CECR2: variants seen among roughly 807,000 people sequenced by gnomAD.
The protein encoded by CECR2 is CECR2 histone acetyl-lysine reader, also known as chromatin remodeling regulator CECR2.
In CECR2, 30 loss-of-function variants were observed where a neutral mutation model predicts 154.5. That is an observed-to-expected ratio of 0.19 (90% CI 0.15 to 0.26). CECR2 has a LOEUF of 0.26. Ranked by LOEUF, CECR2 falls within the 10% of genes least tolerant of loss-of-function variation. The pLI, the probability that CECR2 is intolerant of heterozygous loss-of-function variation, is 1.00. For synonymous variants in CECR2, 725 were observed against 683.7 expected (o/e 1.06, Z -0.94); for missense variants, 1,743 against 1,829.3 (o/e 0.95, Z 0.86).
upstream of CECR2, chr22:17,369,341 T>A (rs957186478): frequency 2.3e-4 from 35 of 150,816 alleles, no homozygotes; most frequent in African/African-American, 8.3e-4. Flanking sequence ...GCGGTGCAGC[T>A]GTCCGGGCGG....
Position 17,412,769 on chromosome 22 carries a change from C to T in CECR2, c.126+42860C>T, listed in dbSNP as rs34840473. 3.5e-3 allele frequency among the ~76,000 whole-genome samples: 533 copies of T among 151,962 alleles called. 5 individuals are homozygous for T. Among genetic ancestry groups the T allele is most frequent in the Non-Finnish European group, 6.4e-3 (437 of 67,936 alleles). On this transcript the variant is annotated intron_variant, in intron 1 of 18. Transcript: ENST00000262608. The stretch of plus-strand genomic sequence containing the variant: ...TGTGTCTTTGTGTGGAGACAGGTGG[C>T]GGGCGGCCTTCTGGGTGAGGGGGAT...
intron 1 of CECR2, among the ~76,000 whole-genome samples, chr22:17,471,100 A>G (rs1601413175): frequency 6.6e-6 from 1 of 152,190 alleles, no homozygotes; most frequent in East Asian, 1.9e-4. Flanking sequence ...CATCCCAAAC[A>G]ACAAGCAACA....
chr22:17,370,319 C>CGG (rs1192283154), intron 1 of CECR2, among the ~76,000 whole-genome samples: 1,106 of 64,594 alleles, frequency 0.017, 38 homozygotes, highest in African/African-American at 0.048. Flanking sequence ...GGGCCGGGCG[C>CGG]GGGGGGGGGG....
intron 16 of CECR2, 27 bp downstream of exon 16, chr22:17,543,030 T>TTTAA (rs1442245248): frequency 9.6e-6 from 15 of 1,562,634 alleles, no homozygotes; most frequent in Non-Finnish European, 1.3e-5. Flanking sequence ...CTTTGGGCTC[T>TTTAA]TTAAGCTCTT....
intron 1 of CECR2, among the ~76,000 whole-genome samples, chr22:17,444,534 C>T (rs557111374): frequency 1.3e-4 from 19 of 151,876 alleles, no homozygotes; most frequent in Middle Eastern, 3.4e-3. Flanking sequence ...GACTGAGGCA[C>T]GAGAATCGCT....
At chr22:17,397,577 C>T (rs2053830680) in intron 1 of CECR2, among the ~76,000 whole-genome samples, 1 of 152,078 alleles carries the variant, frequency 6.6e-6, no homozygotes, top group Non-Finnish European at 1.5e-5. Flanking sequence ...TGCTCACTGC[C>T]ATCTCCGCCT....
At chr22:17,378,672 C>T (rs1315802793) in intron 1 of CECR2, among the ~76,000 whole-genome samples, 1 of 152,168 alleles carries the variant, frequency 6.6e-6, no homozygotes, top group African/African-American at 2.4e-5. Context: ...TAAATGTCTC[C>T]AGACATTGCC....
chr22:17,498,743 G>A (rs555105147), intron 3 of CECR2, among the ~76,000 whole-genome samples: 3 of 148,368 alleles, frequency 2.0e-5, no homozygotes, highest in South Asian at 2.2e-4. Context: ...TGATCCACCC[G>A]GTTGTACTTG....
chr22:17,395,973 C>G (rs991459225), intron 1 of CECR2, among the ~76,000 whole-genome samples: 20 of 152,126 alleles, frequency 1.3e-4, no homozygotes, highest in African/African-American at 4.8e-4. Context: ...GGCGTTTTGG[C>G]TCATGCCTGT....
intron 1 of CECR2, among the ~76,000 whole-genome samples, chr22:17,438,708 A>G (rs900699602): frequency 1.3e-5 from 2 of 152,056 alleles, no homozygotes; most frequent in Non-Finnish European, 2.9e-5. Flanking sequence ...TTCTTCTTCA[A>G]GTGTGGGCCA....
intron 1 of CECR2, among the ~76,000 whole-genome samples, chr22:17,413,639 A>G (rs2054099100): frequency 6.6e-6 from 1 of 151,954 alleles, no homozygotes; most frequent in Non-Finnish European, 1.5e-5. Context: ...AGATAGTCCA[A>G]ATTTCATGTG....
intron 1 of CECR2, among the ~76,000 whole-genome samples, chr22:17,446,666 A>C (rs2054669379): frequency 6.6e-6 from 1 of 152,176 alleles, no homozygotes; most frequent in Non-Finnish European, 1.5e-5. Flanking sequence ...CAGTGAGCTG[A>C]GATCCTGCCA....
At chr22:17,426,350 T>A (rs1221939590) in intron 1 of CECR2, among the ~76,000 whole-genome samples, 1 of 152,166 alleles carries the variant, frequency 6.6e-6, no homozygotes, top group Non-Finnish European at 1.5e-5. Flanking sequence ...ATGGTTCTAT[T>A]CTTTTAATTT....
chr22:17,361,913 C>A (rs1290001674), intron 1 of CECR2, among the ~76,000 whole-genome samples: 1 of 152,070 alleles, frequency 6.6e-6, no homozygotes, highest in Non-Finnish European at 1.5e-5. Flanking sequence ...ATAGGCTCTT[C>A]TCAGTGGAAG....
intron 9 of CECR2, among the ~76,000 whole-genome samples, chr22:17,532,355 A>G (rs2056368571): frequency 6.6e-6 from 1 of 152,202 alleles, no homozygotes; most frequent in Non-Finnish European, 1.5e-5. Context: ...TGTAGGTGAG[A>G]GTCTGTGGCC....
chr22:17,538,950 T>C, intron 12 of CECR2, 43 bp from the exon 13 acceptor site: 2 of 1,597,188 alleles, frequency 1.3e-6, no homozygotes, highest in Non-Finnish European at 1.7e-6. Context: ...GAATGTTTGC[T>C]CTCAGCATAT....
Position 17,538,987 on chromosome 22 carries a change from G to C in CECR2, c.1369-6G>C, listed in dbSNP as rs748427962. 2.5e-6 allele frequency: 4 copies of C among 1,612,842 alleles called. No individual in the cohort carries two copies. The Admixed American group carries it at 6.7e-5, about 27-fold the overall frequency. On this transcript the variant is annotated splice_region_variant and splice_polypyrimidine_tract_variant and intron_variant, in intron 12 of 18. Coordinates refer to ENST00000262608, the MANE Select transcript of CECR2 (RefSeq NM_001290047.2). ...TTAACTATAAAGAGTTATGTGTCTC[G>C]TTTAGGCCCCCATGGATATTTCCAG...
At chr22:17,512,702 T>A (rs2055979315) in intron 8 of CECR2, among the ~76,000 whole-genome samples, 1 of 58,548 alleles carries the variant, frequency 1.7e-5, no homozygotes. Flanking sequence ...TTTCACTCTG[T>A]CTCAGAAAAA....
chr22:17,441,661 A>G (rs1159189246), intron 1 of CECR2, among the ~76,000 whole-genome samples: 1 of 152,028 alleles, frequency 6.6e-6, no homozygotes, highest in Non-Finnish European at 1.5e-5. Context: ...TTGCCAGAGG[A>G]TAATAAGTTA....
Sources: gnomAD v4.1 joint callset for allele counts (sites outside exome capture counted in the v4.1 genomes callset) on GRCh38, gnomAD v4.1.1 for gene constraint, MANE v1.5 for transcripts, NCBI Gene and HGNC (gene_info 2026-07-23, HGNC 2026-07-21) for gene names.